The following ATP10A variants were observed in gnomAD, a reference collection of about 807,000 sequenced individuals.
ATP10A encodes the protein ATPase phospholipid transporting 10A (putative), also known as phospholipid-transporting ATPase VA.
Under a neutral mutation model 147.8 loss-of-function variants are expected in ATP10A, and 111 were observed. That is an observed-to-expected ratio of 0.75 (90% confidence interval 0.64 to 0.88). The LOEUF is 0.88. ATP10A is among the 40% of genes least tolerant of loss of function. ATP10A has a pLI of 0.00. For missense variants in ATP10A, 1,927 were observed against 1,959.0 expected (o/e 0.98, Z 0.31); for synonymous variants, 875 against 841.6 (o/e 1.04, Z -0.69).
chr15:25,704,300 T>C (rs1000278104), intron 12 of ATP10A, among the ~76,000 whole-genome samples: 18 of 152,216 alleles, frequency 1.2e-4, no homozygotes, highest in Admixed American at 1.2e-3. Flanking sequence ...GATGGATTAC[T>C]GACAATTTGC....
chr15:25,727,235 A>G lies in ATP10A; in HGVS notation c.772T>C (p.Tyr258His). 6.2e-7 allele frequency: 1 copy of G among 1,614,138 alleles called. No homozygotes were observed. Among genetic ancestry groups the G allele is most frequent in the Non-Finnish European group, 8.5e-7 (1 of 1,180,014 alleles). Residue 258 changes from tyrosine to histidine, a missense_variant, in exon 4 of 21, where the codon TAT becomes CAT. Physicochemically the swap from Tyr to His is moderately conservative, Grantham distance 83 (BLOSUM62 2). Coordinates refer to ENST00000555815, the MANE Select transcript of ATP10A (RefSeq NM_024490.4). ...CCCCTCAGCAGCAGGTTTTCTTTATACAGCCCGGCCTTTTTCCCGTTGTCA... is the reference window on the plus strand; with the variant it reads ...CCCCTCAGCAGCAGGTTTTCTTTATGCAGCCCGGCCTTTTTCCCGTTGTCA... ...IHDNGKKAGL[Y>H]KENLLLRGCT...
Position 25,694,849 on chromosome 15 carries a change from T to C in ATP10A, c.3058A>G (p.Ser1020Gly), listed in dbSNP as rs1163835526. Residue 1020 changes from serine to glycine, a missense_variant, in exon 14 of 21, where the codon AGC (serine) becomes GGC (glycine). Coordinates refer to ENST00000555815, the MANE Select transcript of ATP10A (RefSeq NM_024490.4). ...GCCAGGGTCATGGCCTTGAGCTTGC[T>C]CCGCACCAGCTTCACCACCATGCTC... Reference protein sequence around the residue: ...QKSMVVKLVRSKLKAMTLAIG... With the variant: ...QKSMVVKLVRGKLKAMTLAIG... 1.2e-6 allele frequency: 2 copies of C among 1,613,682 alleles called. No homozygotes were observed. The highest frequency in any genetic ancestry group is 2.7e-5 in the African/African-American group (2 of 75,050).
At chr15:25,733,639 C>G (rs1198579382) in intron 3 of ATP10A, among the ~76,000 whole-genome samples, 3 of 152,232 alleles carry the variant, frequency 2.0e-5, no homozygotes, top group Non-Finnish European at 4.4e-5. Flanking sequence ...CCAGAACACC[C>G]CGGCTGGTGG....
intron 1 of ATP10A, among the ~76,000 whole-genome samples, chr15:25,828,372 T>C (rs1892207249): frequency 6.6e-6 from 1 of 152,242 alleles, no homozygotes; most frequent in Non-Finnish European, 1.5e-5. Flanking sequence ...TGGCGTGTCC[T>C]GTAGTACAGA....
At chr15:25,775,262 G>GT (rs1889546084) in intron 2 of ATP10A, among the ~76,000 whole-genome samples, 2 of 152,126 alleles carry the variant, frequency 1.3e-5, no homozygotes, top group Admixed American at 1.3e-4. Context: ...GTAGGTAGCA[G>GT]TTTTTTAAAA....
At chr15:25,800,449 T>C (rs1890884251) in intron 1 of ATP10A, among the ~76,000 whole-genome samples, 1 of 152,072 alleles carries the variant, frequency 6.6e-6, no homozygotes, top group African/African-American at 2.4e-5. Flanking sequence ...CCCAAGTGCC[T>C]CTCCTCTCCT....
At chr15:25,681,869 T>C (rs748410955) in intron 17 of ATP10A, among the ~76,000 whole-genome samples, 4 of 152,018 alleles carry the variant, frequency 2.6e-5, no homozygotes, top group African/African-American at 7.3e-5. Flanking sequence ...CTGGTTAACA[T>C]GGTGAAACCC....
intron 2 of ATP10A, among the ~76,000 whole-genome samples, chr15:25,768,822 C>A (rs1889174341): frequency 6.6e-6 from 1 of 151,324 alleles, no homozygotes; most frequent in African/African-American, 2.4e-5. Context: ...AACCACCATG[C>A]CTGGTAGAGC....
chr15:25,729,528 C>A (rs1322654226), intron 3 of ATP10A, among the ~76,000 whole-genome samples: 1 of 152,196 alleles, frequency 6.6e-6, no homozygotes, highest in East Asian at 1.9e-4. Flanking sequence ...CACACAGGCA[C>A]CGGAGCAATC....
At chr15:25,731,062 T>A (rs1033363230) in intron 3 of ATP10A, among the ~76,000 whole-genome samples, 9 of 152,332 alleles carry the variant, frequency 5.9e-5, no homozygotes, top group Non-Finnish European at 1.0e-4. Flanking sequence ...GACAGCTCTG[T>A]TGTTAGTGAC....
intron 2 of ATP10A, among the ~76,000 whole-genome samples, chr15:25,774,003 T>C (rs1889477652): frequency 1.3e-5 from 2 of 151,510 alleles, no homozygotes; most frequent in Admixed American, 1.3e-4. Flanking sequence ...GCAATTAAAC[T>C]ACATTTAGGA....
intron 10 of ATP10A, among the ~76,000 whole-genome samples, chr15:25,712,311 T>C (rs1324139672): frequency 3.3e-5 from 5 of 152,348 alleles, no homozygotes; most frequent in South Asian, 2.1e-4. Context: ...TAAAAAAATA[T>C]GTTGCCAGCA....
chr15:25,864,335 A>T (rs1007196082), upstream of ATP10A, among the ~76,000 whole-genome samples: 2 of 152,218 alleles, frequency 1.3e-5, no homozygotes, highest in Non-Finnish European at 2.9e-5. Context: ...CTCCCACTCA[A>T]GAAGTACAGA....
chr15:25,840,927 T>G (rs1892783783), intron 1 of ATP10A, among the ~76,000 whole-genome samples: 1 of 152,210 alleles, frequency 6.6e-6, no homozygotes, highest in Admixed American at 6.5e-5. Context: ...ATGTGCTTAC[T>G]TGCCATCTGC....
At chr15:25,725,802 AG>A in intron 5 of ATP10A, 148 bp downstream of exon 5, 1 of 944,286 alleles carries the variant, frequency 1.1e-6, no homozygotes, top group East Asian at 3.0e-5. Context: ...TATTTTTAGT[AG>A]AGATGGGATT....
intron 2 of ATP10A, among the ~76,000 whole-genome samples, chr15:25,775,059 C>T (rs1889537637): frequency 6.6e-6 from 1 of 152,200 alleles, no homozygotes; most frequent in South Asian, 2.1e-4. Flanking sequence ...ACCCAGGCAG[C>T]TGTCTTTATT....
chr15:25,727,164 G>C lies in ATP10A; in HGVS notation c.843C>G (p.Tyr281Ter). 3 of 1,613,954 alleles carry C rather than the reference G, an allele frequency of 1.9e-6. No homozygotes were observed. Among genetic ancestry groups the C allele is most frequent in the Non-Finnish European group, 2.5e-6 (3 of 1,179,826 alleles). The change falls in exon 4 of 21, where the codon TAC becomes TAG. Residue 281 changes from tyrosine to a stop codon, truncating the protein, a stop_gained. Transcript: ENST00000555815. LOFTEE classifies it high-confidence loss of function. ...GTGCCAGGTGCCCGAGCCTACCTGC[G>C]TAGATGACAATGCCGACGACTGCGT... Reference protein sequence around the residue: ...NTDAVVGIVIYAGHETKALLN... With the variant: ...NTDAVVGIVI
intron 1 of ATP10A, among the ~76,000 whole-genome samples, chr15:25,821,113 A>C (rs895997899): frequency 1.3e-5 from 2 of 152,252 alleles, no homozygotes; most frequent in Non-Finnish European, 2.9e-5. Context: ...TTAAAGAAGC[A>C]GCAGACTGGG....
At chr15:25,841,101 T>G (rs556361303) in intron 1 of ATP10A, among the ~76,000 whole-genome samples, 5 of 152,332 alleles carry the variant, frequency 3.3e-5, no homozygotes, top group African/African-American at 1.2e-4. Flanking sequence ...CTCTGCTCTT[T>G]TTCATTGGAT....
Sources: gnomAD v4.1 joint callset for allele counts (sites outside exome capture counted in the v4.1 genomes callset) on GRCh38, gnomAD v4.1.1 for gene constraint, MANE v1.5 for transcripts, NCBI Gene and HGNC (gene_info 2026-07-23, HGNC 2026-07-21) for gene names.